The following ANKRD6 variants were observed in gnomAD, a reference collection of about 807,000 sequenced individuals.
ANKRD6 encodes the protein ankyrin repeat domain-containing protein 6.
ANKRD6 carries 56 observed loss-of-function variants against 82.3 expected under a neutral mutation model. That is an observed-to-expected ratio of 0.68 (90% CI 0.55 to 0.85). The LOEUF (loss-of-function observed/expected upper bound fraction) is 0.85, where lower values mean the gene tolerates loss of function less well. ANKRD6 is among the 40% of genes least tolerant of loss of function. ANKRD6 has a pLI of 0.00. For missense variants in ANKRD6, 852 were observed against 907.6 expected, an observed-to-expected ratio of 0.94 and a Z score of 0.79; for synonymous variants, 347 against 352.1, an observed-to-expected ratio of 0.99 and a Z score of 0.16.
chr6:89,480,110 G>A (rs1462347141), intron 1 of ANKRD6, among the ~76,000 whole-genome samples: 1 of 152,128 alleles, frequency 6.6e-6, no homozygotes, highest in South Asian at 2.1e-4. Context: ...CACAATTTCT[G>A]TGCTGGTTTC....
At position 89,630,567 on chromosome 6, in the gene ANKRD6, T is replaced by G; in HGVS notation, c.1747T>G (p.Cys583Gly). ...RLQQELSSSDCTGSRLRNVKV... is the reference protein window; with the variant it reads ...RLQQELSSSDGTGSRLRNVKV... ...CCAGCAGGAGCTGTCGTCTTCTGAC[T>G]GTACAGGCTCCCGACTGAGAAACGT... is the stretch of plus-strand genomic sequence containing the variant. Residue 583 changes from cysteine to glycine, a missense_variant, in exon 16 of 16, where the codon TGT becomes GGT. Coordinates refer to ENST00000339746, the MANE Select transcript of ANKRD6 (RefSeq NM_001242809.2). The G allele has an allele frequency of 1.2e-6, 2 of 1,613,938 alleles. No homozygotes were observed. The highest frequency in any genetic ancestry group is 1.7e-6 in the Non-Finnish European group (2 of 1,179,842).
At position 89,616,559 on chromosome 6, in the gene ANKRD6, G is replaced by T. The variant is rs765633610; in HGVS notation, c.616G>T (p.Ala206Ser). 6.2e-7 allele frequency: 1 copy of T among 1,614,006 alleles called. No homozygotes were observed. Among genetic ancestry groups the T allele is most frequent in the Non-Finnish European group, 8.5e-7 (1 of 1,179,880 alleles). The change falls in exon 8 of 16, where the codon GCT becomes TCT. Residue 206 changes from alanine (A) to serine (S), a missense_variant and splice_region_variant. Coordinates refer to ENST00000339746, the MANE Select transcript of ANKRD6 (RefSeq NM_001242809.2). Reference protein sequence around the residue: ...AFCSVHEKNQAGDTALHVAAA... With the variant: ...AFCSVHEKNQSGDTALHVAAA... ...TAGCAGACCTTCTAATCAATTCCAGGCTGGAGACACAGCACTTCACGTTGC... is the reference window on the plus strand; with the variant it reads ...TAGCAGACCTTCTAATCAATTCCAGTCTGGAGACACAGCACTTCACGTTGC...
At chr6:89,532,706 TTTC>T (rs924264357) in intron 1 of ANKRD6, among the ~76,000 whole-genome samples, 2 of 152,104 alleles carry the variant, frequency 1.3e-5, no homozygotes, top group Admixed American at 1.3e-4. Flanking sequence ...TTGATTTTTT[TTTC>T]TTTTTTTTTT....
At chr6:89,526,629 C>T (rs772336209) in intron 1 of ANKRD6, among the ~76,000 whole-genome samples, 2 of 152,076 alleles carry the variant, frequency 1.3e-5, no homozygotes, top group African/African-American at 4.8e-5. Context: ...CAGGGTTCTC[C>T]GAGAAACAGA....
chr6:89,455,364 A>T (rs982045083), intron 1 of ANKRD6, among the ~76,000 whole-genome samples: 3 of 151,906 alleles, frequency 2.0e-5, no homozygotes, highest in African/African-American at 4.8e-5. Context: ...GTGAAGGGGG[A>T]GCAGGCACTT....
rs185245150 is a variant in ANKRD6 at position 89,524,277 on chromosome 6, G to A, written c.-143-42557G>A. 3.0e-4 allele frequency among the ~76,000 whole-genome samples: 46 copies of A among 152,212 alleles called. No individual in the cohort carries two copies. In the East Asian group the frequency reaches 8.1e-3, roughly 27 times the overall value. ...CCAAGCAGTATACACTGTACCCAGT[G>A]TGTAGTCCTTTATCCCTCACCCCCC... On this transcript the variant is annotated intron_variant, in intron 1 of 15. Coordinates refer to ENST00000339746, the MANE Select transcript of ANKRD6 (RefSeq NM_001242809.2).
At chr6:89,574,965 C>T (rs1790772298) in intron 2 of ANKRD6, among the ~76,000 whole-genome samples, 1 of 152,128 alleles carries the variant, frequency 6.6e-6, no homozygotes, top group African/African-American at 2.4e-5. Flanking sequence ...GGAAATTGTC[C>T]ATTTTTATGC....
rs1413655008 is a variant in ANKRD6 at position 89,624,589 on chromosome 6, T to A, written c.1269T>A (p.Asn423Lys). Residue 423 changes from asparagine to lysine, a missense_variant, in exon 13 of 16, where the codon AAT becomes AAA. By Grantham distance (94) the Asn-to-Lys change is moderately conservative. Coordinates refer to ENST00000339746, the MANE Select transcript of ANKRD6 (RefSeq NM_001242809.2). ...AACCTCTAATCAACAAGCTGGAGAA[T>A]CAGTTGGAGGCTACTGTGGAGGAGA... is the stretch of plus-strand genomic sequence containing the variant. ...RCEPLINKLE[N>K]QLEATVEEIK... 5.1e-6 allele frequency: 8 copies of A among 1,559,672 alleles called. No individual in the cohort carries two copies. Among genetic ancestry groups the A allele is most frequent in the Non-Finnish European group, 6.9e-6 (8 of 1,151,382 alleles).
chr6:89,456,219 A>G (rs1026240271), intron 1 of ANKRD6, among the ~76,000 whole-genome samples: 3 of 151,862 alleles, frequency 2.0e-5, no homozygotes, highest in Admixed American at 1.3e-4. Flanking sequence ...TGACCCAGTC[A>G]CCTCCCAGCA....
chr6:89,460,498 G>A (rs750892381), intron 1 of ANKRD6, among the ~76,000 whole-genome samples: 8 of 151,796 alleles, frequency 5.3e-5, no homozygotes, highest in African/African-American at 1.2e-4. Context: ...GTGCAATGGC[G>A]CAATCTCAGC....
intron 2 of ANKRD6, among the ~76,000 whole-genome samples, chr6:89,592,892 T>C (rs533180828): frequency 5.8e-4 from 88 of 152,230 alleles, no homozygotes; most frequent in African/African-American, 2.1e-3. Flanking sequence ...CTGGCCAACA[T>C]GGTGAAACCC....
intron 3 of ANKRD6, among the ~76,000 whole-genome samples, chr6:89,596,786 A>G (rs1229353072): frequency 6.6e-6 from 1 of 152,210 alleles, no homozygotes; most frequent in Non-Finnish European, 1.5e-5. Flanking sequence ...GGACCATATA[A>G]ATTGTCCTCC....
At chr6:89,540,775 C>G (rs1000241129) in intron 1 of ANKRD6, among the ~76,000 whole-genome samples, 3 of 152,170 alleles carry the variant, frequency 2.0e-5, no homozygotes, top group Non-Finnish European at 2.9e-5. Flanking sequence ...AGATTTAAGT[C>G]TTTAATCCAT....
chr6:89,594,057 G>A (rs1795389905), intron 2 of ANKRD6, among the ~76,000 whole-genome samples: 1 of 152,102 alleles, frequency 6.6e-6, no homozygotes, highest in African/African-American at 2.4e-5. Flanking sequence ...ATCAGGAGGA[G>A]GATGAGTAAA....
intron 1 of ANKRD6, among the ~76,000 whole-genome samples, chr6:89,500,711 T>C (rs1016225276): frequency 1.1e-4 from 17 of 152,138 alleles, no homozygotes; most frequent in African/African-American, 3.4e-4. Flanking sequence ...ACTTTGGAAA[T>C]TGTAAATAGC....
At chr6:89,527,719 G>A (rs918034411) in intron 1 of ANKRD6, among the ~76,000 whole-genome samples, 1 of 151,846 alleles carries the variant, frequency 6.6e-6, no homozygotes, top group Non-Finnish European at 1.5e-5. Context: ...GGAGGTTTCT[G>A]CTGGTGGAGG....
intron 1 of ANKRD6, among the ~76,000 whole-genome samples, chr6:89,436,034 C>T (rs1770594932): frequency 6.6e-6 from 1 of 152,082 alleles, no homozygotes; most frequent in Admixed American, 6.6e-5. Context: ...TTCACAATTC[C>T]CTTAGGCTTC....
chr6:89,534,632 A>G (rs1783604957), intron 1 of ANKRD6, among the ~76,000 whole-genome samples: 1 of 152,178 alleles, frequency 6.6e-6, no homozygotes. Flanking sequence ...TCATGCAACA[A>G]ATATTTATAA....
At chr6:89,502,316 A>T (rs751547572) in intron 1 of ANKRD6, among the ~76,000 whole-genome samples, 47 of 152,298 alleles carry the variant, frequency 3.1e-4, no homozygotes, top group Middle Eastern at 6.8e-3. Flanking sequence ...TAATTATCTC[A>T]TGCAGAATAA....
Sources: gnomAD v4.1 joint callset for allele counts (sites outside exome capture counted in the v4.1 genomes callset) on GRCh38, gnomAD v4.1.1 for gene constraint, MANE v1.5 for transcripts, NCBI Gene and HGNC (gene_info 2026-07-23, HGNC 2026-07-21) for gene names.